Variants in SLC10A7 observed in about 807,000 individuals in gnomAD.
SLC10A7 encodes the protein sodium/bile acid cotransporter 7.
SLC10A7 carries 29 observed loss-of-function variants against 43.2 expected under a neutral mutation model. The ratio of observed to expected loss-of-function variants is 0.67; its 90% CI spans 0.50 to 0.92. The LOEUF (loss-of-function observed/expected upper bound fraction) is 0.92. Among genes scored for constraint, SLC10A7 ranks in the 40% least tolerant of loss-of-function variants. The probability of loss-of-function intolerance (pLI) is 0.00; values close to 1 mark genes in which losing one functional copy is unlikely to be tolerated. For synonymous variants in SLC10A7, 152 were observed against 144.8 expected, an observed-to-expected ratio of 1.05 and a Z score of -0.35; for missense variants, 295 against 403.2, an observed-to-expected ratio of 0.73 and a Z score of 2.30.
intron 6 of SLC10A7, among the ~76,000 whole-genome samples, chr4:146,309,892 G>T (rs1304850256): frequency 5.9e-5 from 9 of 152,136 alleles, no homozygotes; most frequent in Non-Finnish European, 1.2e-4. Flanking sequence ...TGATGCTGAA[G>T]TTTGGGATAT....
chr4:146,346,281 C>G (rs1734618340), intron 5 of SLC10A7, among the ~76,000 whole-genome samples: 1 of 152,082 alleles, frequency 6.6e-6, no homozygotes, highest in South Asian at 2.1e-4. Context: ...AAACAACAAA[C>G]AGCAGTTTCA....
At chr4:146,380,816 A>G (rs1020073781) in intron 5 of SLC10A7, among the ~76,000 whole-genome samples, 2 of 152,168 alleles carry the variant, frequency 1.3e-5, no homozygotes, top group Non-Finnish European at 2.9e-5. Context: ...GGAATAAAGT[A>G]ATCTCTATAC....
At chr4:146,467,454 AACACACACACAC>A (rs35773390) in intron 4 of SLC10A7, among the ~76,000 whole-genome samples, 41 of 140,808 alleles carry the variant, frequency 2.9e-4, no homozygotes, top group South Asian at 7.1e-4. Flanking sequence ...AGCAGGTTTA[AACACACACACAC>A]ACACACACAC....
chr4:146,293,844 A>G, intron 8 of SLC10A7, 86 bp downstream of exon 8: 1 of 794,304 alleles, frequency 1.3e-6, no homozygotes, highest in Non-Finnish European at 1.9e-6. Context: ...AATTAACACT[A>G]GACATGAATT....
chr4:146,417,538 G>A (rs1407142558), intron 5 of SLC10A7, among the ~76,000 whole-genome samples: 1 of 152,116 alleles, frequency 6.6e-6, no homozygotes, highest in Non-Finnish European at 1.5e-5. Flanking sequence ...ACACGCTCAT[G>A]TAAAAACAAC....
At chr4:146,256,971 T>C (rs1330604787) in intron 11 of SLC10A7, 13 of 1,391,402 alleles carry the variant, frequency 9.3e-6, no homozygotes, top group Non-Finnish European at 1.3e-5. Flanking sequence ...AGTGTACAAT[T>C]TAGTCTCCCT....
At chr4:146,424,114 G>C (rs568426601) in intron 5 of SLC10A7, among the ~76,000 whole-genome samples, 36 of 152,186 alleles carry the variant, frequency 2.4e-4, no homozygotes, top group Non-Finnish European at 4.6e-4. Context: ...TGTAGTGGCA[G>C]AATCACGGCT....
chr4:146,309,904 G>C (rs1415228252), intron 6 of SLC10A7, among the ~76,000 whole-genome samples: 1 of 152,040 alleles, frequency 6.6e-6, no homozygotes, highest in Admixed American at 6.6e-5. Context: ...TTGGGATATG[G>C]ATTATCCCAT....
chr4:146,519,073 A>G (rs1738308947), intron 1 of SLC10A7, among the ~76,000 whole-genome samples: 1 of 11,860 alleles, frequency 8.4e-5, no homozygotes, highest in Non-Finnish European at 1.2e-4. Flanking sequence ...CACCATATAT[A>G]TATATATATA....
Position 146,306,745 on chromosome 4 carries a change from C to T in SLC10A7, c.472-736G>A, listed in dbSNP as rs566491747. On this transcript the variant is annotated intron_variant, in intron 6 of 11. Transcript: ENST00000335472. ...CGTTAGCCTCCATCACTAAGAATTG[C>T]TAAGTCTTCCTATGGAACTTTTCAG... Among the ~76,000 whole-genome samples the T allele has an allele frequency of 7.2e-5, 11 of 152,240 alleles. No homozygotes were observed. The South Asian group carries it at 2.1e-3, about 29-fold the overall frequency.
At chr4:146,379,771 T>G (rs1737469954) in intron 5 of SLC10A7, among the ~76,000 whole-genome samples, 1 of 152,240 alleles carries the variant, frequency 6.6e-6, no homozygotes, top group Non-Finnish European at 1.5e-5. Context: ...TCATTGAGTA[T>G]TTCTAGATCA....
intron 4 of SLC10A7, among the ~76,000 whole-genome samples, chr4:146,446,738 G>GC (rs1391104793): frequency 4.9e-5 from 7 of 142,520 alleles, no homozygotes; most frequent in African/African-American, 1.8e-4. Context: ...GGGTGAGAAG[G>GC]TTTATCTATC....
At chr4:146,414,266 C>T (rs1364179567) in intron 5 of SLC10A7, among the ~76,000 whole-genome samples, 1 of 152,144 alleles carries the variant, frequency 6.6e-6, no homozygotes, top group Admixed American at 6.5e-5. Context: ...AAATAAAACT[C>T]CAATAAAGGT....
At chr4:146,469,393 T>C (rs984864461) in intron 4 of SLC10A7, among the ~76,000 whole-genome samples, 6 of 152,156 alleles carry the variant, frequency 3.9e-5, no homozygotes, top group Non-Finnish European at 5.9e-5. Context: ...TCCTTGAAAG[T>C]AGCACCAGGG....
intron 6 of SLC10A7, among the ~76,000 whole-genome samples, chr4:146,306,684 C>T (rs988634955): frequency 8.5e-5 from 13 of 152,150 alleles, no homozygotes; most frequent in African/African-American, 3.1e-4. Context: ...CCCTGCAGCA[C>T]AAGAGTGCTT....
At chr4:146,274,596 C>A (rs150099258) in intron 10 of SLC10A7, among the ~76,000 whole-genome samples, 5 of 152,076 alleles carry the variant, frequency 3.3e-5, no homozygotes, top group African/African-American at 1.2e-4. Context: ...CTCAAAAGGA[C>A]ATTCGAAGTT....
chr4:146,305,578 A>G (rs1274941378), intron 7 of SLC10A7, among the ~76,000 whole-genome samples: 3 of 60,322 alleles, frequency 5.0e-5, no homozygotes, highest in Non-Finnish European at 9.4e-5. Flanking sequence ...GTATAATAAT[A>G]AAAGAAAAAA....
chr4:146,303,521 G>T (rs1045921445), intron 7 of SLC10A7, among the ~76,000 whole-genome samples: 3 of 151,580 alleles, frequency 2.0e-5, no homozygotes, highest in Admixed American at 1.3e-4. Context: ...GGGACCACCG[G>T]CACCCACCAC....
At chr4:146,315,423 G>A (rs1045951649) in intron 6 of SLC10A7, among the ~76,000 whole-genome samples, 1 of 152,142 alleles carries the variant, frequency 6.6e-6, no homozygotes, top group African/African-American at 2.4e-5. Context: ...AAGTTTTTAA[G>A]TGATGTTAGA....
Sources: allele counts gnomAD v4.1 joint callset (sites outside exome capture counted in the v4.1 genomes callset), GRCh38; gene constraint gnomAD v4.1.1; transcripts MANE v1.5; gene names NCBI Gene and HGNC (gene_info 2026-07-23, HGNC 2026-07-21).